Variants in SLC25A21 observed in about 807,000 individuals in gnomAD.
SLC25A21 encodes solute carrier family 25 member 21, also known as mitochondrial 2-oxodicarboxylate carrier.
SLC25A21 carries 47 observed loss-of-function variants against 43.8 expected under a neutral mutation model. The ratio of observed to expected loss-of-function variants is 1.07; its 90% CI spans 0.85 to 1.37. The LOEUF (loss-of-function observed/expected upper bound fraction) is 1.37, where lower values mean the gene tolerates loss of function less well. SLC25A21 is among the 40% of genes most tolerant of loss of function. The probability of loss-of-function intolerance (pLI) is 0.00; values close to 1 mark genes in which losing one functional copy is unlikely to be tolerated. For synonymous variants in SLC25A21, 131 were observed against 121.3 expected (o/e 1.08, Z -0.52); for missense variants, 352 against 350.2 (o/e 1.00, Z -0.04).
At chr14:37,147,817 A>G (rs185048607) in intron 1 of SLC25A21, among the ~76,000 whole-genome samples, 1 of 144,566 alleles carries the variant, frequency 6.9e-6, no homozygotes, top group East Asian at 2.0e-4. Context: ...CATGGTAACT[A>G]TATTTCCTTT....
intron 7 of SLC25A21, among the ~76,000 whole-genome samples, chr14:36,690,358 T>C (rs1457577770): frequency 6.6e-6 from 1 of 152,132 alleles, no homozygotes; most frequent in African/African-American, 2.4e-5. Context: ...ACAAACCCTA[T>C]GAGTTAGGCA....
chr14:36,696,973 C>G lies in SLC25A21; in HGVS notation c.604-12048G>C, dbSNP rs549485912. ...CTAGCTTTCGAATGTGTTTGCTCTT[C>G]ATTCTCTCGTTCTTTTAATTGTGAT... On this transcript the variant is annotated intron_variant, in intron 7 of 9. Coordinates refer to ENST00000331299, the MANE Select transcript of SLC25A21 (RefSeq NM_030631.4). 0.026 allele frequency among the ~76,000 whole-genome samples: 3,910 copies of G among 151,988 alleles called. 259 individuals carry two copies. The East Asian group carries it at 0.29, about 11-fold the overall frequency.
intron 1 of SLC25A21, among the ~76,000 whole-genome samples, chr14:36,878,466 T>C (rs1173272539): frequency 1.3e-5 from 2 of 152,050 alleles, no homozygotes; most frequent in African/African-American, 2.4e-5. Context: ...TCACTCAGAG[T>C]GGGAATGGAT....
chr14:36,906,324 C>G (rs1891532341), intron 1 of SLC25A21, among the ~76,000 whole-genome samples: 1 of 151,852 alleles, frequency 6.6e-6, no homozygotes, highest in African/African-American at 2.4e-5. Flanking sequence ...AAATTTCCCC[C>G]AAATCAGAGA....
At chr14:37,147,007 GTTC>G (rs1963677636) in intron 1 of SLC25A21, among the ~76,000 whole-genome samples, 1 of 152,060 alleles carries the variant, frequency 6.6e-6, no homozygotes, top group Admixed American at 6.6e-5. Context: ...TTGCCCTTTG[GTTC>G]TTCTCTGCTG....
At chr14:37,036,965 T>C (rs1475060185) in intron 1 of SLC25A21, among the ~76,000 whole-genome samples, 1 of 152,176 alleles carries the variant, frequency 6.6e-6, no homozygotes, top group African/African-American at 2.4e-5. Context: ...GCCCTGTCAC[T>C]GGGTTACAGG....
chr14:36,792,252 AG>A (rs1354426148), intron 3 of SLC25A21, among the ~76,000 whole-genome samples: 1 of 152,138 alleles, frequency 6.6e-6, no homozygotes, highest in Non-Finnish European at 1.5e-5. Context: ...TCCATTTAGG[AG>A]CAAGAGAGAA....
At chr14:37,091,570 A>G (rs1395097484) in intron 1 of SLC25A21, among the ~76,000 whole-genome samples, 1 of 152,196 alleles carries the variant, frequency 6.6e-6, no homozygotes, top group Admixed American at 6.5e-5. Flanking sequence ...CAGTATGACA[A>G]CGGAAACAGG....
Position 36,916,762 on chromosome 14 carries a change from G to A in SLC25A21, c.71-41758C>T, listed in dbSNP as rs542944668. 7.8e-4 allele frequency among the ~76,000 whole-genome samples: 119 copies of A among 151,890 alleles called. 2 individuals carry two copies. The highest frequency in any genetic ancestry group is 2.1e-3 in the African/African-American group (88 of 41,444). ...ATATATCTAGGCCTGATCTCTCTAC[G>A]GCCTAGACCCAGCTTTTACATTTCC... On this transcript the variant is annotated intron_variant, in intron 1 of 9. Coordinates refer to ENST00000331299, the MANE Select transcript of SLC25A21 (RefSeq NM_030631.4).
intron 1 of SLC25A21, among the ~76,000 whole-genome samples, chr14:37,064,797 T>C (rs1474057899): frequency 6.6e-6 from 1 of 152,168 alleles, no homozygotes; most frequent in Non-Finnish European, 1.5e-5. Context: ...AAATAATTAT[T>C]AGACACCTAT....
rs1891226902 is a variant in SLC25A21, at chr14:36,895,965, T to C, written c.71-20961A>G. Among the ~76,000 whole-genome samples, 3 of 152,198 alleles carry C rather than the reference T, an allele frequency of 2.0e-5. No individual in the cohort carries two copies. The South Asian group carries it at 6.2e-4, about 32-fold the overall frequency. ...GAGGAGAGCTTTACTTCCATCTGTG[T>C]GGTCAATTTTGGAATAGGTGTGGTG... On this transcript the variant is annotated intron_variant, in intron 1 of 9. Coordinates refer to ENST00000331299, the MANE Select transcript of SLC25A21 (RefSeq NM_030631.4).
intron 1 of SLC25A21, among the ~76,000 whole-genome samples, chr14:36,941,898 A>G (rs1432660675): frequency 6.6e-6 from 1 of 152,060 alleles, no homozygotes; most frequent in African/African-American, 2.4e-5. Context: ...TTTTTAAATA[A>G]ACTTAGAACA....
chr14:36,977,627 T>C (rs1033390886), intron 1 of SLC25A21, among the ~76,000 whole-genome samples: 2 of 152,224 alleles, frequency 1.3e-5, no homozygotes, highest in African/African-American at 4.8e-5. Context: ...CATAATTTTC[T>C]ACATGTTCTA....
At chr14:36,824,980 C>A (rs146247448) in intron 2 of SLC25A21, among the ~76,000 whole-genome samples, 1 of 152,026 alleles carries the variant, frequency 6.6e-6, no homozygotes, top group Admixed American at 6.6e-5. Context: ...GTTTTAGATG[C>A]AGGTAGATGG....
chr14:36,794,610 A>C (rs2138407946), intron 3 of SLC25A21, among the ~76,000 whole-genome samples: 1 of 152,156 alleles, frequency 6.6e-6, no homozygotes, highest in Non-Finnish European at 1.5e-5. Flanking sequence ...TCCACCAAAA[A>C]CACAAAAATT....
intron 2 of SLC25A21, among the ~76,000 whole-genome samples, chr14:36,814,972 T>C (rs1402198371): frequency 6.6e-6 from 1 of 152,142 alleles, no homozygotes; most frequent in Non-Finnish European, 1.5e-5. Flanking sequence ...ATATACACCA[T>C]GGAATACTAT....
At chr14:36,918,126 G>A (rs1891881352) in intron 1 of SLC25A21, among the ~76,000 whole-genome samples, 1 of 152,074 alleles carries the variant, frequency 6.6e-6, no homozygotes. Context: ...ATATAAAATG[G>A]AAACCTCCTT....
intron 1 of SLC25A21, among the ~76,000 whole-genome samples, chr14:37,126,549 T>C (rs748914794): frequency 3.2e-4 from 49 of 152,134 alleles, no homozygotes; most frequent in Middle Eastern, 6.8e-3. Flanking sequence ...AGACATTTGT[T>C]ACAAGGAGTT....
intron 1 of SLC25A21, among the ~76,000 whole-genome samples, chr14:36,967,229 C>G (rs142818316): frequency 6.6e-5 from 10 of 152,298 alleles, no homozygotes; most frequent in African/African-American, 2.4e-4. Context: ...TGGGGAGAAA[C>G]AGACCTTCCT....
Sources: gnomAD v4.1 joint callset for allele counts (sites outside exome capture counted in the v4.1 genomes callset) on GRCh38, gnomAD v4.1.1 for gene constraint, MANE v1.5 for transcripts, NCBI Gene and HGNC (gene_info 2026-07-23, HGNC 2026-07-21) for gene names.